Variants in SLC44A3 observed in about 807,000 individuals in gnomAD.
SLC44A3 encodes the protein choline transporter-like protein 3.
SLC44A3 carries 74 observed loss-of-function variants against 75.4 expected under a neutral mutation model. The observed-to-expected ratio is 0.98, with a 90% CI of 0.81 to 1.19. The LOEUF (loss-of-function observed/expected upper bound fraction) is 1.19. Among genes scored for constraint, SLC44A3 ranks in the 50% most tolerant of loss-of-function variants. The pLI, the probability that SLC44A3 is intolerant of heterozygous loss-of-function variation, is 0.00. For synonymous variants in SLC44A3, 310 were observed against 296.9 expected (o/e 1.04, Z -0.45); for missense variants, 700 against 778.6 (o/e 0.90, Z 1.20).
chr1:94,878,687 GA>G lies in SLC44A3; in HGVS notation c.1482+11274del, dbSNP rs965863572. Reference sequence around the variant, plus strand: ...TGTCACGCTACAAAGCCACAGTAATGAAAATGGTGTGGTACTGGCATAAACA... The same window carrying G: ...TGTCACGCTACAAAGCCACAGTAATGAAATGGTGTGGTACTGGCATAAACA... On this transcript the variant is annotated intron_variant, in intron 12 of 14. Coordinates refer to ENST00000271227, the MANE Select transcript of SLC44A3 (RefSeq NM_001114106.3). 3.3e-4 allele frequency among the ~76,000 whole-genome samples: 50 copies of G among 152,298 alleles called. 1 individual carries two copies. The highest frequency in any genetic ancestry group is 2.7e-3 in the Admixed American group (41 of 15,294).
intron 10 of SLC44A3, among the ~76,000 whole-genome samples, chr1:94,863,476 C>A (rs1430019712): frequency 6.6e-6 from 1 of 151,990 alleles, no homozygotes; most frequent in East Asian, 1.9e-4. Context: ...CCCTCTTGAG[C>A]ACCATAATAA....
At chr1:94,844,002 C>A (rs878903103) in intron 8 of SLC44A3, among the ~76,000 whole-genome samples, 1 of 152,022 alleles carries the variant, frequency 6.6e-6, no homozygotes, top group South Asian at 2.1e-4. Context: ...AAGGCATGAG[C>A]GGTATTGAGG....
chr1:94,847,987 G>A (rs1227438772), intron 9 of SLC44A3, among the ~76,000 whole-genome samples: 1 of 152,142 alleles, frequency 6.6e-6, no homozygotes, highest in Admixed American at 6.5e-5. Context: ...CCAGCACTTT[G>A]GGAGGCCAAG....
chr1:94,881,042 G>A (rs550534307), intron 12 of SLC44A3, among the ~76,000 whole-genome samples: 18 of 152,282 alleles, frequency 1.2e-4, no homozygotes, highest in Admixed American at 1.0e-3. Flanking sequence ...CGTCTCAAGA[G>A]AAAGAAAAGA....
chr1:94,824,916 C>A (rs1661097207), intron 3 of SLC44A3, among the ~76,000 whole-genome samples: 2 of 152,158 alleles, frequency 1.3e-5, no homozygotes, highest in Non-Finnish European at 2.9e-5. Flanking sequence ...ATTATACCTA[C>A]CTCACAAGGT....
chr1:94,857,512 G>GA lies in SLC44A3; in HGVS notation c.1238+12_1238+13insA, dbSNP rs1666031912. On this transcript the variant is annotated intron_variant, in intron 10 of 14. Coordinates refer to ENST00000271227, the MANE Select transcript of SLC44A3 (RefSeq NM_001114106.3). Reference sequence around the variant, plus strand: ...TGTTATTTCAACAGGTAGGTCCAGTGTTTTTTTTCTATTGGTTTGTCTATG... The same window carrying GA: ...TGTTATTTCAACAGGTAGGTCCAGTGATTTTTTTTCTATTGGTTTGTCTATG... 8.1e-6 allele frequency: 13 copies of GA among 1,599,522 alleles called. No individual in the cohort carries two copies. Among genetic ancestry groups the GA allele is most frequent in the Non-Finnish European group, 1.0e-5 (12 of 1,174,352 alleles).
chr1:94,826,044 A>G, intron 3 of SLC44A3: 1 of 384,544 alleles, frequency 2.6e-6, no homozygotes, highest in Non-Finnish European at 5.3e-6. Flanking sequence ...GTATATTACA[A>G]TGAAATATTA....
In SLC44A3 at chr1:94,837,712, A is replaced by T. The variant is rs1462891075; in HGVS notation, c.511A>T (p.Lys171Ter). The change falls in exon 6 of 15, where the codon AAG becomes TAG. Residue 171 changes from lysine to a stop codon, truncating the protein, a stop_gained and splice_region_variant. Transcript: ENST00000271227. LOFTEE classifies it high-confidence loss of function. ...LCPRLPVPPSKSFPLFNRCVP... is the reference protein window; with the variant it reads ...LCPRLPVPPS Reference sequence around the variant, plus strand: ...CCATCTTTTTTTCTCTATTTTTAGCAAGTCATTTCCCTTATTTAACCGATG... The same window carrying T: ...CCATCTTTTTTTCTCTATTTTTAGCTAGTCATTTCCCTTATTTAACCGATG... 1.9e-6 allele frequency: 3 copies of T among 1,556,048 alleles called. No homozygotes were observed. Among genetic ancestry groups the T allele is most frequent in the Non-Finnish European group, 1.7e-6 (2 of 1,154,926 alleles).
chr1:94,840,329 G>A (rs1284821654), intron 7 of SLC44A3, among the ~76,000 whole-genome samples: 2 of 88,386 alleles, frequency 2.3e-5, no homozygotes, highest in Non-Finnish European at 4.1e-5. Context: ...TCACTTTGTT[G>A]CCCAGGCTGG....
At chr1:94,885,910 C>T (rs1669535801) in intron 12 of SLC44A3, among the ~76,000 whole-genome samples, 1 of 152,174 alleles carries the variant, frequency 6.6e-6, no homozygotes. Flanking sequence ...AGAAAAAGGC[C>T]ACAGATGGAA....
intron 4 of SLC44A3, 104 bp from the exon 5 acceptor site, chr1:94,828,389 C>T (rs544904106): frequency 3.3e-5 from 29 of 882,122 alleles, no homozygotes; most frequent in Non-Finnish European, 4.7e-5. Context: ...CACCCATAGA[C>T]CTTGTAGTTG....
At chr1:94,854,875 ACAGCCC>A (rs373161141) in intron 9 of SLC44A3, among the ~76,000 whole-genome samples, 10 of 151,918 alleles carry the variant, frequency 6.6e-5, no homozygotes, top group African/African-American at 1.7e-4. Flanking sequence ...AGTGCGCAGG[ACAGCCC>A]CAGCCCCAGC....
rs1263929209 is a variant in SLC44A3, at chr1:94,857,527, G to A, written c.1238+27G>A. The A allele has an allele frequency of 3.1e-6, 5 of 1,594,340 alleles. No homozygotes were observed. In the South Asian group the frequency reaches 4.5e-5, roughly 14 times the overall value. On this transcript the variant is annotated intron_variant, in intron 10 of 14. Transcript: ENST00000271227. ...TAGGTCCAGTGTTTTTTTTCTATTG[G>A]TTTGTCTATGTGGTTTATCTATGTG... is the stretch of plus-strand genomic sequence containing the variant.
Position 94,860,909 on chromosome 1 carries a change from G to A in SLC44A3, c.1238+3409G>A, listed in dbSNP as rs188303309. The stretch of plus-strand genomic sequence containing the variant: ...TAGCTGCGCAGCAGGCGTGGAAAGC[G>A]TCCAGTCCAAGGTAGACAATGGGCT... On this transcript the variant is annotated intron_variant, in intron 10 of 14. Coordinates refer to ENST00000271227, the MANE Select transcript of SLC44A3 (RefSeq NM_001114106.3). Among the ~76,000 whole-genome samples, 226 of 152,332 alleles carry A rather than the reference G, an allele frequency of 1.5e-3. 1 individual carries two copies. The highest frequency in any genetic ancestry group is 2.9e-3 in the South Asian group (14 of 4,828).
Position 94,845,294 on chromosome 1 carries a change from T to C in SLC44A3, c.902T>C (p.Leu301Ser), listed in dbSNP as rs1385060807. ...STGITAVLLV[L>S]IFVLRKRIKL... Reference sequence around the variant, plus strand: ...TCTCACCAGGCAGTGCTGCTCGTCTTGATTTTTGTTCTCAGAAAGAGAATA... The same window carrying C: ...TCTCACCAGGCAGTGCTGCTCGTCTCGATTTTTGTTCTCAGAAAGAGAATA... Residue 301 changes from leucine (L) to serine (S), a missense_variant, in exon 9 of 15, where the codon TTG becomes TCG. Physicochemically the swap from Leu to Ser is moderately radical, Grantham distance 145. Coordinates refer to ENST00000271227, the MANE Select transcript of SLC44A3 (RefSeq NM_001114106.3). 4 of 1,611,066 alleles carry C rather than the reference T, an allele frequency of 2.5e-6. No homozygotes were observed. The highest frequency in any genetic ancestry group is 3.4e-6 in the Non-Finnish European group (4 of 1,178,732).
intron 12 of SLC44A3, among the ~76,000 whole-genome samples, chr1:94,887,002 A>G: frequency 6.6e-6 from 1 of 152,080 alleles, no homozygotes; most frequent in African/African-American, 2.4e-5. Flanking sequence ...TCAAAAGCCG[A>G]ATGCCACTAC....
chr1:94,824,674 T>C (rs757517879), intron 3 of SLC44A3, 39 bp downstream of exon 3: 5 of 1,501,202 alleles, frequency 3.3e-6, no homozygotes. Flanking sequence ...TAAGGAACTG[T>C]ACCTCAAAAC....
intron 12 of SLC44A3, among the ~76,000 whole-genome samples, chr1:94,880,975 G>A (rs557979966): frequency 7.9e-5 from 12 of 151,860 alleles, no homozygotes; most frequent in Admixed American, 1.3e-4. Flanking sequence ...GGGCCAAGGC[G>A]AGAGAATTGC....
At chr1:94,885,820 G>T (rs1669526106) in intron 12 of SLC44A3, among the ~76,000 whole-genome samples, 1 of 152,136 alleles carries the variant, frequency 6.6e-6, no homozygotes, top group South Asian at 2.1e-4. Flanking sequence ...GTACATGCAA[G>T]ATTAATGCCA....
Sources: allele counts gnomAD v4.1 joint callset (sites outside exome capture counted in the v4.1 genomes callset), GRCh38; gene constraint gnomAD v4.1.1; transcripts MANE v1.5; gene names NCBI Gene and HGNC (gene_info 2026-07-23, HGNC 2026-07-21).